HEATR5B: variants seen among roughly 807,000 people sequenced by gnomAD.
HEATR5B encodes HEAT repeat containing 5B.
HEATR5B carries 156 observed loss-of-function variants against 224.1 expected under a neutral mutation model. That is an observed-to-expected ratio of 0.70 (90% CI 0.61 to 0.80). The LOEUF (loss-of-function observed/expected upper bound fraction) is 0.80. HEATR5B is among the 30% of genes least tolerant of loss of function. The pLI, the probability that HEATR5B is intolerant of heterozygous loss-of-function variation, is 0.00. For synonymous variants in HEATR5B, 1,027 were observed against 893.0 expected, an observed-to-expected ratio of 1.15 and a Z score of -2.68; for missense variants, 2,323 against 2,535.5, an observed-to-expected ratio of 0.92 and a Z score of 1.80.
chr2:37,062,508 T>C (rs558378582), intron 10 of HEATR5B, among the ~76,000 whole-genome samples: 2 of 152,320 alleles, frequency 1.3e-5, no homozygotes, highest in East Asian at 1.9e-4. Context: ...TTAGTCTTGA[T>C]TGCACTGATG....
chr2:37,021,563 G>A (rs1668458568), intron 24 of HEATR5B, among the ~76,000 whole-genome samples: 1 of 152,064 alleles, frequency 6.6e-6, no homozygotes, highest in South Asian at 2.1e-4. Context: ...ACTTTTTCCT[G>A]TATTCCCCCT....
chr2:37,014,323 G>A (rs1006111778), intron 26 of HEATR5B, among the ~76,000 whole-genome samples: 2 of 151,642 alleles, frequency 1.3e-5, no homozygotes, highest in Non-Finnish European at 1.5e-5. Flanking sequence ...CACCACACTT[G>A]GCTAATTTTT....
intron 20 of HEATR5B, among the ~76,000 whole-genome samples, chr2:37,038,805 C>T (rs950831884): frequency 6.1e-5 from 9 of 147,888 alleles, no homozygotes; most frequent in African/African-American, 2.0e-4. Context: ...TTAGCTGAGG[C>T]AGGAGAATTG....
rs1215295162 is a variant in HEATR5B, at chr2:36,980,981, A to C, written c.*509T>G. ...ATTTGATATGAAAGCTAAAAGATCC[A>C]TCAGAAAGATAAGGACATTTTGGGA... On this transcript the variant is annotated 3_prime_UTR_variant, in exon 36 of 36. Coordinates refer to ENST00000233099, the MANE Select transcript of HEATR5B (RefSeq NM_019024.3). 2 of 152,300 alleles carry C rather than the reference A, an allele frequency of 1.3e-5. No individual in the cohort carries two copies. Among genetic ancestry groups the C allele is most frequent in the Non-Finnish European group, 2.9e-5 (2 of 68,094 alleles). 9.4% of individuals were successfully genotyped at this position (152,300 alleles called of 1,614,324 possible). A position where few individuals can be genotyped will look rare whatever the true frequency, so the allele number is the denominator to read the frequency against.
intron 20 of HEATR5B, among the ~76,000 whole-genome samples, chr2:37,038,720 G>A (rs1418590799): frequency 1.3e-5 from 2 of 151,942 alleles, no homozygotes; most frequent in Non-Finnish European, 2.9e-5. Flanking sequence ...CTAGGCGGAC[G>A]AATCACCTGA....
chr2:37,036,480 C>T (rs1366095898), intron 21 of HEATR5B, among the ~76,000 whole-genome samples: 2 of 151,622 alleles, frequency 1.3e-5, no homozygotes, highest in Non-Finnish European at 2.9e-5. Context: ...AAACTAATTC[C>T]TATGTACTCT....
At chr2:36,990,325 G>A (rs890414078) in intron 34 of HEATR5B, among the ~76,000 whole-genome samples, 6 of 152,120 alleles carry the variant, frequency 3.9e-5, no homozygotes, top group East Asian at 1.9e-4. Context: ...TCATTAAAAC[G>A]TCAATAATAT....
Position 37,003,547 on chromosome 2 carries a change from G to T in HEATR5B, c.5045C>A (p.Thr1682Asn). ...GTGTAATTTCTAGTGCTTACTTAGA[G>T]TGTTTCTTTTCTCTTGCAAATAATC... is the stretch of plus-strand genomic sequence containing the variant. ...AQDYLQEKRN[T>N]LNEDDMEKEA... The change falls in exon 31 of 36, where the codon ACT becomes AAT. Residue 1682 changes from threonine (T) to asparagine (N), a missense_variant. Coordinates refer to ENST00000233099, the MANE Select transcript of HEATR5B (RefSeq NM_019024.3). The T allele has an allele frequency of 6.3e-7, 1 of 1,599,360 alleles. No individual in the cohort carries two copies. Among genetic ancestry groups the T allele is most frequent in the Non-Finnish European group, 8.5e-7 (1 of 1,171,896 alleles).
chr2:37,076,763 T>C, intron 4 of HEATR5B, 148 bp downstream of exon 4: 1 of 601,862 alleles, frequency 1.7e-6, no homozygotes, highest in Non-Finnish European at 2.9e-6. Flanking sequence ...TGATATACAT[T>C]AAAAGAAGGG....
intron 3 of HEATR5B, among the ~76,000 whole-genome samples, chr2:37,078,329 G>A (rs1008906223): frequency 1.3e-5 from 2 of 152,122 alleles, no homozygotes; most frequent in African/African-American, 4.8e-5. Flanking sequence ...CCTGTAGGCT[G>A]ATAATAAATT....
intron 32 of HEATR5B, among the ~76,000 whole-genome samples, chr2:37,001,507 T>C (rs1558712309): frequency 1.3e-5 from 2 of 152,036 alleles, no homozygotes; most frequent in African/African-American, 2.4e-5. Flanking sequence ...TCTGATACCA[T>C]TTTTACCTTC....
rs182820021 is a variant in HEATR5B, at chr2:37,014,769, G to C, written c.4105-749C>G. Among the ~76,000 whole-genome samples the C allele has an allele frequency of 4.6e-3, 701 of 151,512 alleles. 6 individuals carry two copies. Among genetic ancestry groups the C allele is most frequent in the African/African-American group, 0.016 (675 of 41,362 alleles). Reference sequence around the variant, plus strand: ...CAAGGCAGGCGGATCACGAGGTCAGGAGATTGAGACCATCCTGACCAACAT... The same window carrying C: ...CAAGGCAGGCGGATCACGAGGTCAGCAGATTGAGACCATCCTGACCAACAT... On this transcript the variant is annotated intron_variant, in intron 26 of 35. Transcript: ENST00000233099.
intron 16 of HEATR5B, among the ~76,000 whole-genome samples, chr2:37,055,755 C>A (rs151104576): frequency 1.3e-5 from 2 of 152,326 alleles, no homozygotes; most frequent in South Asian, 2.1e-4. Flanking sequence ...TAAGCCACCA[C>A]ACCAGACCCA....
At chr2:37,012,042 CT>C (rs1402729658) in intron 27 of HEATR5B, among the ~76,000 whole-genome samples, 1 of 152,042 alleles carries the variant, frequency 6.6e-6, no homozygotes, top group Middle Eastern at 3.2e-3. Context: ...AATTTTTAGG[CT>C]TATTTTTCTT....
chr2:37,073,267 T>C (rs572504358), intron 5 of HEATR5B, among the ~76,000 whole-genome samples: 6 of 152,318 alleles, frequency 3.9e-5, no homozygotes, highest in African/African-American at 9.6e-5. Context: ...GTGAGGTTTA[T>C]CCTAGGAATG....
Position 37,082,924 on chromosome 2 carries a change from T to TA in HEATR5B, c.126+364dup, listed in dbSNP as rs35197387. Among the ~76,000 whole-genome samples, 524 of 141,454 alleles carry TA rather than the reference T, an allele frequency of 3.7e-3. 6 individuals carry two copies. Among genetic ancestry groups the TA allele is most frequent in the African/African-American group, 0.011 (426 of 38,320 alleles). 92.8% of individuals were successfully genotyped at this position (141,454 alleles called of 152,430 possible). A position where few individuals can be genotyped will look rare whatever the true frequency, so the allele number is the denominator to read the frequency against. On this transcript the variant is annotated intron_variant, in intron 2 of 35. Coordinates refer to ENST00000233099, the MANE Select transcript of HEATR5B (RefSeq NM_019024.3). ...GGCTATGCAGGAAGAAAAAACAGAT[T>TA]AAAAAAAAAAAAGAGCCTATTATTG... is the stretch of plus-strand genomic sequence containing the variant.
intron 33 of HEATR5B, among the ~76,000 whole-genome samples, chr2:36,995,019 G>C (rs1417974668): frequency 6.6e-6 from 1 of 151,614 alleles, no homozygotes; most frequent in African/African-American, 2.4e-5. Context: ...CAAAGTGCTG[G>C]GATTACAGGT....
chr2:37,056,533 G>T lies in HEATR5B; in HGVS notation c.2306C>A (p.Ala769Glu). The T allele has an allele frequency of 6.2e-7, 1 of 1,613,384 alleles. No individual in the cohort carries two copies. Among genetic ancestry groups the T allele is most frequent in the Non-Finnish European group, 8.5e-7 (1 of 1,179,526 alleles). Reference protein sequence around the residue: ...SIYLRIPAGEAVPGPLPLGVS... With the variant: ...SIYLRIPAGEEVPGPLPLGVS... ...TCCGAGAGGGAGGGGACCAGGTACT[G>T]CTTCTCCAGCAGGTATGCGTAAATA... Residue 769 changes from alanine to glutamate, a missense_variant, in exon 16 of 36, where the codon GCA becomes GAA. Transcript: ENST00000233099.
At chr2:37,046,176 T>A (rs1670179033) in intron 18 of HEATR5B, among the ~76,000 whole-genome samples, 1 of 152,226 alleles carries the variant, frequency 6.6e-6, no homozygotes, top group Non-Finnish European at 1.5e-5. Context: ...TGACTCATAA[T>A]CATGCACCAA....
Sources: allele counts gnomAD v4.1 joint callset (sites outside exome capture counted in the v4.1 genomes callset), GRCh38; gene constraint gnomAD v4.1.1; transcripts MANE v1.5; gene names NCBI Gene and HGNC (gene_info 2026-07-23, HGNC 2026-07-21).